Variants in KCNMB2 observed in about 807,000 individuals in gnomAD.
The protein encoded by KCNMB2 is potassium calcium-activated channel subfamily M regulatory beta subunit 2, also known as calcium-activated potassium channel subunit beta-2.
In KCNMB2, 9 loss-of-function variants were observed where a neutral mutation model predicts 24.5. That is an observed-to-expected ratio of 0.37 (90% CI 0.22 to 0.64). KCNMB2 has a LOEUF of 0.64. Ranked by LOEUF, KCNMB2 falls within the 30% of genes least tolerant of loss-of-function variation. The pLI, the probability that KCNMB2 is intolerant of heterozygous loss-of-function variation, is 0.63. For missense variants in KCNMB2, 226 were observed against 284.3 expected (o/e 0.79, Z 1.47); for synonymous variants, 109 against 104.4 (o/e 1.04, Z -0.27).
At chr3:178,572,875 T>A (rs184901341) in intron 1 of KCNMB2, among the ~76,000 whole-genome samples, 1 of 152,294 alleles carries the variant, frequency 6.6e-6, no homozygotes, top group Admixed American at 6.5e-5. Flanking sequence ...AATAAATGAA[T>A]CTAAAACTGT....
At chr3:178,546,211 C>T (rs1161439588) in intron 1 of KCNMB2, among the ~76,000 whole-genome samples, 1 of 152,048 alleles carries the variant, frequency 6.6e-6, no homozygotes, top group Admixed American at 6.6e-5. Context: ...AGAAAACTGG[C>T]TAGAGAATGT....
intron 1 of KCNMB2, among the ~76,000 whole-genome samples, chr3:178,550,963 CTTTGGAT>C (rs997802476): frequency 2.4e-4 from 36 of 152,008 alleles, no homozygotes; most frequent in African/African-American, 8.2e-4. Context: ...AAAGGAAGAG[CTTTGGAT>C]TTTGGATTTT....
intron 1 of KCNMB2, among the ~76,000 whole-genome samples, chr3:178,571,447 G>GATAGATAT (rs1553814107): frequency 2.2e-5 from 2 of 91,102 alleles, no homozygotes; most frequent in African/African-American, 6.6e-5. Context: ...TTTCCTTATG[G>GATAGATAT]ATATATATAT....
chr3:178,787,778 C>A (rs1275970796), intron 1 of KCNMB2, among the ~76,000 whole-genome samples: 1 of 151,514 alleles, frequency 6.6e-6, no homozygotes, highest in Non-Finnish European at 1.5e-5. Flanking sequence ...ATTTGCCTAG[C>A]AAAAATTAAA....
intron 1 of KCNMB2, among the ~76,000 whole-genome samples, chr3:178,600,850 T>C (rs1303127292): frequency 6.6e-6 from 1 of 152,182 alleles, no homozygotes; most frequent in East Asian, 1.9e-4. Context: ...GTATTTCTAG[T>C]TCTAGATCCT....
chr3:178,841,635 AAGAG>A (rs1715432469), intron 4 of KCNMB2: 1 of 152,228 alleles, frequency 6.6e-6, no homozygotes, highest in Admixed American at 6.5e-5. Context: ...GGTGGCAAGC[AAGAG>A]AGAGAACATG....
In KCNMB2 at chr3:178,838,895, C is replaced by T. The variant is rs1002366014; in HGVS notation, c.424-3758C>T. Among the ~76,000 whole-genome samples, 10 of 151,970 alleles carry T rather than the reference C, an allele frequency of 6.6e-5. 1 individual carries two copies. The highest frequency in any genetic ancestry group is 4.2e-4 in the South Asian group (2 of 4,814). ...CAAAAATTGGTAAATGACAGTAAGA[C>T]GTGAGTTTTATAAAAAAAATAAGTT... On this transcript the variant is annotated intron_variant, in intron 4 of 4. Transcript: ENST00000452583.
chr3:178,695,505 T>G lies in KCNMB2; in HGVS notation c.-67-111838T>G, dbSNP rs151019420. 3.1e-3 allele frequency among the ~76,000 whole-genome samples: 469 copies of G among 152,316 alleles called. 3 individuals are homozygous for G. The highest frequency in any genetic ancestry group is 0.011 in the African/African-American group (458 of 41,586). On this transcript the variant is annotated intron_variant, in intron 1 of 4. Transcript: ENST00000452583. ...CAAACTTTTATGCTCTATCAACTCT[T>G]GAATGTCTTGCTGCTTGTAAATTTC... is the stretch of plus-strand genomic sequence containing the variant.
At chr3:178,627,856 A>G (rs1030828052) in intron 1 of KCNMB2, among the ~76,000 whole-genome samples, 5 of 152,172 alleles carry the variant, frequency 3.3e-5, no homozygotes, top group Non-Finnish European at 7.4e-5. Context: ...TATTTCAGTC[A>G]CTGATTTTCC....
chr3:178,670,090 T>C (rs1720849516), intron 1 of KCNMB2, among the ~76,000 whole-genome samples: 1 of 152,168 alleles, frequency 6.6e-6, no homozygotes, highest in Admixed American at 6.5e-5. Context: ...AAACAGGACT[T>C]ACCATCCTCT....
chr3:178,824,503 G>A (rs147264439), intron 2 of KCNMB2: 15,028 of 154,248 alleles, frequency 0.097, 1,340 homozygotes, highest in African/African-American at 0.23. Context: ...GAGTAGCTGG[G>A]ACTACAGGCG....
intron 1 of KCNMB2, among the ~76,000 whole-genome samples, chr3:178,562,730 A>G (rs1176883194): frequency 6.6e-6 from 1 of 152,238 alleles, no homozygotes; most frequent in Non-Finnish European, 1.5e-5. Flanking sequence ...TCATCATAGC[A>G]TGAAGGCCCT....
intron 1 of KCNMB2, among the ~76,000 whole-genome samples, chr3:178,789,923 G>C (rs1426418525): frequency 6.6e-6 from 1 of 151,838 alleles, no homozygotes; most frequent in East Asian, 2.0e-4. Flanking sequence ...GACACCATCC[G>C]GGGCAACTAA....
chr3:178,638,403 C>T (rs893360347), intron 1 of KCNMB2, among the ~76,000 whole-genome samples: 1 of 152,062 alleles, frequency 6.6e-6, no homozygotes, highest in Non-Finnish European at 1.5e-5. Flanking sequence ...TTTTATTCCC[C>T]TCTAGATTGC....
intron 1 of KCNMB2, among the ~76,000 whole-genome samples, chr3:178,539,700 T>A (rs1715548638): frequency 6.6e-6 from 1 of 152,084 alleles, no homozygotes; most frequent in Admixed American, 6.6e-5. Context: ...AACTCAGGTT[T>A]CTGAAAAAAG....
intron 1 of KCNMB2, among the ~76,000 whole-genome samples, chr3:178,611,300 G>A (rs1718472974): frequency 6.6e-6 from 1 of 152,110 alleles, no homozygotes; most frequent in Non-Finnish European, 1.5e-5. Context: ...AATTTTTGCA[G>A]TATCAGTTGT....
At chr3:178,794,680 T>C (rs1375757477) in intron 1 of KCNMB2, among the ~76,000 whole-genome samples, 1 of 152,204 alleles carries the variant, frequency 6.6e-6, no homozygotes. Context: ...TCAGCCTTCA[T>C]GGAGAAGTGG....
At chr3:178,680,595 T>G (rs942812329) in intron 1 of KCNMB2, among the ~76,000 whole-genome samples, 1 of 152,204 alleles carries the variant, frequency 6.6e-6, no homozygotes, top group African/African-American at 2.4e-5. Flanking sequence ...TTTTCCTTCT[T>G]GGCTTTTGAA....
At chr3:178,624,259 T>C (rs1719023762) in intron 1 of KCNMB2, among the ~76,000 whole-genome samples, 1 of 118,350 alleles carries the variant, frequency 8.4e-6, no homozygotes, top group African/African-American at 3.5e-5. Flanking sequence ...TTTTTTTTTT[T>C]TTTTGCCTTT....
Sources: gnomAD v4.1 joint callset for allele counts (sites outside exome capture counted in the v4.1 genomes callset) on GRCh38, gnomAD v4.1.1 for gene constraint, MANE v1.5 for transcripts, NCBI Gene and HGNC (gene_info 2026-07-23, HGNC 2026-07-21) for gene names.